The following C21orf58 variants were observed in gnomAD, a reference collection of about 807,000 sequenced individuals.
C21orf58 encodes the protein uncharacterized protein C21orf58.
A neutral mutation model predicts 35.8 loss-of-function variants in C21orf58; 34 were observed. The ratio of observed to expected loss-of-function variants is 0.95; its 90% confidence interval spans 0.72 to 1.26. C21orf58 has a LOEUF of 1.26. C21orf58 is among the 50% of genes most tolerant of loss of function. The pLI, the probability that C21orf58 is intolerant of heterozygous loss-of-function variation, is 0.00. For missense variants in C21orf58, 440 were observed against 414.3 expected, an observed-to-expected ratio of 1.06 and a Z score of -0.54; for synonymous variants, 191 against 175.8, an observed-to-expected ratio of 1.09 and a Z score of -0.68.
intron 5 of C21orf58, chr21:46,313,141 T>C (rs756483929): frequency 1.2e-6 from 1 of 823,344 alleles, no homozygotes; most frequent in Non-Finnish European, 1.5e-6. Flanking sequence ...GCTCTTGAGT[T>C]GGCCATTGCA....
intron 5 of C21orf58, among the ~76,000 whole-genome samples, chr21:46,312,374 A>G (rs1180934964): frequency 6.6e-6 from 1 of 152,032 alleles, no homozygotes; most frequent in Non-Finnish European, 1.5e-5. Context: ...GCTGGAGTGC[A>G]ATGGTACAAC....
intron 3 of C21orf58, among the ~76,000 whole-genome samples, chr21:46,315,938 GCCCCAAGTGGT>G (rs2082960611): frequency 6.6e-6 from 1 of 152,132 alleles, no homozygotes; most frequent in Non-Finnish European, 1.5e-5. Context: ...CCACCCTCTG[GCCCCAAGTGGT>G]CTAGAGTCTG....
At chr21:46,318,888 C>A in intron 1 of C21orf58, 1 of 981,724 alleles carries the variant, frequency 1.0e-6, no homozygotes, top group Non-Finnish European at 1.2e-6. Flanking sequence ...CATTAAACTC[C>A]ACGTTGATGA....
Position 46,315,522 on chromosome 21 carries a change from G to A in C21orf58, c.396C>T (p.Ala132=), listed in dbSNP as rs1789323343. 6 of 1,611,800 alleles carry A rather than the reference G, an allele frequency of 3.7e-6. No individual in the cohort carries two copies. The highest frequency in any genetic ancestry group is 4.2e-6 in the Non-Finnish European group (5 of 1,178,480). The part of the protein sequence containing the change: ...EPGNEDRPDD[A]LQTALKRRRD... Reference sequence around the variant, plus strand: ...TCCTTCTCTTCAGAGCAGTCTGCAGGGCATCGTCCGGCCGGTCCTCATTTC... The same window carrying A: ...TCCTTCTCTTCAGAGCAGTCTGCAGAGCATCGTCCGGCCGGTCCTCATTTC... The change falls in exon 4 of 8, where the codon GCC becomes GCT. Residue 132 remains alanine (A), a synonymous_variant. Coordinates refer to ENST00000291691, the MANE Select transcript of C21orf58 (RefSeq NM_058180.5).
At chr21:46,304,309 C>T (rs970498119) in intron 6 of C21orf58, among the ~76,000 whole-genome samples, 1 of 151,948 alleles carries the variant, frequency 6.6e-6, no homozygotes, top group Non-Finnish European at 1.5e-5. Flanking sequence ...GGATTACAGG[C>T]GTGAGCCACT....
Position 46,318,140 on chromosome 21 carries a change from T to C in C21orf58, c.181A>G (p.Asn61Asp), listed in dbSNP as rs143711780. The C allele has an allele frequency of 3.7e-6, 6 of 1,612,938 alleles. No individual in the cohort carries two copies. In the Admixed American group the frequency reaches 5.0e-5, roughly 13 times the overall value. The change falls in exon 2 of 8, where the codon AAC becomes GAC. Residue 61 changes from asparagine (N) to aspartate (D), a missense_variant. Physicochemically the swap from Asn to Asp is conservative, Grantham distance 23. Transcript: ENST00000291691. The part of the protein sequence containing the change: ...APAEQFFPAS[N>D]RTREGGGLWP... Reference sequence around the variant, plus strand: ...AGCCCACCTCCCTCCCTGGTTCTGTTACTCGCAGGAAAGAACTGCTCAGCA... The same window carrying C: ...AGCCCACCTCCCTCCCTGGTTCTGTCACTCGCAGGAAAGAACTGCTCAGCA...
intron 6 of C21orf58, among the ~76,000 whole-genome samples, chr21:46,310,724 C>T (rs998301747): frequency 2.0e-5 from 3 of 149,716 alleles, no homozygotes; most frequent in East Asian, 2.0e-4. Context: ...CAGGAGAAGT[C>T]GCTTGAACCC....
intron 6 of C21orf58, among the ~76,000 whole-genome samples, chr21:46,303,709 ATATATAT>A (rs1300693702): frequency 5.9e-5 from 2 of 33,682 alleles, no homozygotes; most frequent in Non-Finnish European, 5.2e-5. Flanking sequence ...CACACACAAA[ATATATAT>A]ATATATATAT....
chr21:46,316,830 A>C (rs1410142541), intron 3 of C21orf58, among the ~76,000 whole-genome samples: 1 of 152,214 alleles, frequency 6.6e-6, no homozygotes, highest in Non-Finnish European at 1.5e-5. Context: ...TTCTCCCTGG[A>C]CGTCCCCGGG....
In C21orf58 at chr21:46,302,546, G is replaced by A; in HGVS notation, c.752C>T (p.Ala251Val). ...CTGCAGGACCAACTGGTGCACCTGTGCGTTCTGCAGCAGCAGCAGCTCCAC... is the reference window on the plus strand; with the variant it reads ...CTGCAGGACCAACTGGTGCACCTGTACGTTCTGCAGCAGCAGCAGCTCCAC... ...DMVELLLLQN[A>V]QVHQLVLQNW... The change falls in exon 7 of 8, where the codon GCA becomes GTA. Residue 251 changes from alanine (A) to valine (V), a missense_variant. Transcript: ENST00000291691. 1.9e-6 allele frequency: 3 copies of A among 1,612,674 alleles called. No individual in the cohort carries two copies. The highest frequency in any genetic ancestry group is 2.5e-6 in the Non-Finnish European group (3 of 1,179,428).
intron 4 of C21orf58, chr21:46,315,092 C>G (rs1198174561): frequency 7.3e-7 from 1 of 1,371,702 alleles, no homozygotes; most frequent in Admixed American, 2.5e-5. Flanking sequence ...CAGTTGTTTT[C>G]TTTTTCCAGC....
chr21:46,323,016 C>T lies in C21orf58; in HGVS notation c.-278G>A, dbSNP rs1266422621. 3.4e-5 allele frequency: 10 copies of T among 292,882 alleles called. No individual in the cohort carries two copies. Among genetic ancestry groups the T allele is most frequent in the Middle Eastern group, 9.5e-4 (1 of 1,050 alleles). 18.1% of individuals were successfully genotyped at this position (292,882 alleles called of 1,614,324 possible). ...GAAACCCAGAAACCAGACTTGGACACATGAAATAAAGGGGTTAGCTGAAGG... is the reference window on the plus strand; with the variant it reads ...GAAACCCAGAAACCAGACTTGGACATATGAAATAAAGGGGTTAGCTGAAGG... On this transcript the variant is annotated 5_prime_UTR_variant, in exon 1 of 8. It adds an upstream start codon to the 5' untranslated region. Coordinates refer to ENST00000291691, the MANE Select transcript of C21orf58 (RefSeq NM_058180.5).
chr21:46,307,986 T>G (rs1257417779), intron 6 of C21orf58, among the ~76,000 whole-genome samples: 1 of 152,020 alleles, frequency 6.6e-6, no homozygotes, highest in African/African-American at 2.4e-5. Flanking sequence ...AGATAACAGT[T>G]TGGCAGTTTC....
chr21:46,303,708 A>AATATATATATATAT (rs1356861977), intron 6 of C21orf58, among the ~76,000 whole-genome samples: 5 of 37,276 alleles, frequency 1.3e-4, no homozygotes, highest in African/African-American at 2.1e-4. Context: ...ACACACACAA[A>AATATATATATATAT]ATATATATAT....
In C21orf58 at chr21:46,322,890, C is replaced by T. The variant is rs750435026; in HGVS notation, c.-152G>A. The T allele has an allele frequency of 1.4e-5, 7 of 514,710 alleles. No individual in the cohort carries two copies. Among genetic ancestry groups the T allele is most frequent in the African/African-American group, 5.9e-5 (3 of 50,884 alleles). 31.9% of individuals were successfully genotyped at this position (514,710 alleles called of 1,614,324 possible). A position where few individuals can be genotyped will look rare whatever the true frequency, so the allele number is the denominator to read the frequency against. ...GCGTCAGCGAGGAGCCACTCCAGCA[C>T]GCTCGGGAAGGGCATCGTTACTGCT... is the stretch of plus-strand genomic sequence containing the variant. On this transcript the variant is annotated 5_prime_UTR_variant, in exon 1 of 8. It adds an upstream start codon to the 5' untranslated region. Coordinates refer to ENST00000291691, the MANE Select transcript of C21orf58 (RefSeq NM_058180.5).
At chr21:46,304,048 A>T in intron 6 of C21orf58, among the ~76,000 whole-genome samples, 1 of 75,398 alleles carries the variant, frequency 1.3e-5, no homozygotes, top group South Asian at 4.7e-4. Context: ...TTTTTTTGAG[A>T]CGGAGTCTCA....
chr21:46,310,175 G>A (rs2082611788), intron 6 of C21orf58, among the ~76,000 whole-genome samples: 1 of 151,986 alleles, frequency 6.6e-6, no homozygotes, highest in Admixed American at 6.6e-5. Flanking sequence ...TATGTTATAT[G>A]TATATGTTAA....
At chr21:46,317,458 C>G in intron 2 of C21orf58, 190 bp from the exon 3 acceptor site, 2 of 893,716 alleles carry the variant, frequency 2.2e-6, no homozygotes, top group Non-Finnish European at 3.4e-6. Context: ...AGCCTGACCT[C>G]TAGCAAATTC....
chr21:46,300,669 T>C (rs1337799627), downstream of C21orf58: 15 of 1,273,352 alleles, frequency 1.2e-5, no homozygotes, highest in African/African-American at 1.5e-5. Context: ...TGGCTGTCCC[T>C]GGGGAGCTCT....
Sources: allele counts gnomAD v4.1 joint callset (sites outside exome capture counted in the v4.1 genomes callset), GRCh38; gene constraint gnomAD v4.1.1; transcripts MANE v1.5; gene names NCBI Gene and HGNC (gene_info 2026-07-23, HGNC 2026-07-21).